The following PHTF2 variants were observed in gnomAD, a reference collection of about 807,000 sequenced individuals.
PHTF2 encodes the protein putative homeodomain transcription factor 2, also known as protein PHTF2.
Under a neutral mutation model 101.2 loss-of-function variants are expected in PHTF2, and 60 were observed. That is an observed-to-expected ratio of 0.59 (90% CI 0.48 to 0.73). PHTF2 has a LOEUF of 0.73. Among genes scored for constraint, PHTF2 ranks in the 30% least tolerant of loss-of-function variants. The pLI, the probability that PHTF2 is intolerant of heterozygous loss-of-function variation, is 0.00. For missense variants in PHTF2, 747 were observed against 908.7 expected (o/e 0.82, Z 2.29); for synonymous variants, 311 against 307.3 (o/e 1.01, Z -0.13).
In PHTF2 at chr7:77,858,557, T is replaced by G. The variant is rs1344668964; in HGVS notation, c.147+3723T>G. Among the ~76,000 whole-genome samples the G allele has an allele frequency of 2.0e-5, 3 of 152,270 alleles. No homozygotes were observed. In the South Asian group the frequency reaches 6.2e-4, roughly 32 times the overall value. The stretch of plus-strand genomic sequence containing the variant: ...GAGAAACAGACCGAAGAGACTTTGA[T>G]GTAACTCATTTGTTTAATTTGAGAG... On this transcript the variant is annotated intron_variant, in intron 3 of 19. Coordinates refer to ENST00000416283, the Ensembl canonical transcript of PHTF2.
At chr7:77,901,960 T>C in intron 7 of PHTF2, 40 bp downstream of exon 6, 1 of 1,291,806 alleles carries the variant, frequency 7.7e-7, no homozygotes, top group Non-Finnish European at 1.1e-6. Flanking sequence ...TTCAGAATGT[T>C]ACATTGTTAG....
chr7:77,884,582 G>A (rs1205305475), intron 3 of PHTF2, among the ~76,000 whole-genome samples: 4 of 152,104 alleles, frequency 2.6e-5, no homozygotes, highest in Admixed American at 2.6e-4. Flanking sequence ...TGGTTGTACA[G>A]CTATTAAATC....
At chr7:77,916,558 A>C (rs528594473) in intron 9 of PHTF2, among the ~76,000 whole-genome samples, 4 of 152,180 alleles carry the variant, frequency 2.6e-5, no homozygotes, top group African/African-American at 9.6e-5. Flanking sequence ...TGTCTCTCTT[A>C]AAAACAAAAC....
At chr7:77,883,112 A>G (rs928544501) in intron 3 of PHTF2, among the ~76,000 whole-genome samples, 2 of 152,174 alleles carry the variant, frequency 1.3e-5, no homozygotes, top group Non-Finnish European at 2.9e-5. Context: ...AGATATTTCT[A>G]GGTGGTTCAA....
intron 3 of PHTF2, among the ~76,000 whole-genome samples, chr7:77,882,466 A>G (rs1799499619): frequency 6.6e-6 from 1 of 152,222 alleles, no homozygotes; most frequent in Non-Finnish European, 1.5e-5. Flanking sequence ...AGAAAAATAA[A>G]TAAATGATTG....
At chr7:77,825,736 G>A (rs1438689852) in intron 1 of PHTF2, among the ~76,000 whole-genome samples, 1 of 152,180 alleles carries the variant, frequency 6.6e-6, no homozygotes, top group Non-Finnish European at 1.5e-5. Context: ...AGATGAGAAA[G>A]GTGTTAGGGG....
At chr7:77,923,458 A>G (rs1247949657) in intron 11 of PHTF2, 1 of 985,252 alleles carries the variant, frequency 1.0e-6, no homozygotes, top group Non-Finnish European at 1.2e-6. Flanking sequence ...AACTTGTAAA[A>G]CAAACACATG....
chr7:77,927,157 CAAAA>C (rs869210694), intron 11 of PHTF2, among the ~76,000 whole-genome samples: 15 of 36,528 alleles, frequency 4.1e-4, no homozygotes, highest in Admixed American at 9.8e-4. Context: ...GACTCCATCT[CAAAA>C]AAAAAAAAAA....
chr7:77,864,039 T>A (rs532436867), intron 3 of PHTF2, among the ~76,000 whole-genome samples: 6 of 152,264 alleles, frequency 3.9e-5, no homozygotes, highest in Admixed American at 3.9e-4. Flanking sequence ...CTCTGCCTCC[T>A]AGAGTGTTGG....
At chr7:77,885,262 T>G (rs1195714602) in intron 3 of PHTF2, among the ~76,000 whole-genome samples, 2 of 151,986 alleles carry the variant, frequency 1.3e-5, no homozygotes, top group African/African-American at 4.8e-5. Context: ...CCTGGCTGAT[T>G]TTTAATTTTT....
chr7:77,844,456 C>T (rs1340511634), intron 2 of PHTF2, among the ~76,000 whole-genome samples: 4 of 152,200 alleles, frequency 2.6e-5, no homozygotes, highest in African/African-American at 9.6e-5. Context: ...TGAAAACAAA[C>T]TTTGAAATTA....
intron 11 of PHTF2, chr7:77,923,235 T>G: frequency 1.1e-6 from 1 of 888,248 alleles, no homozygotes; most frequent in Non-Finnish European, 1.3e-6. Context: ...AATCTTTATT[T>G]TCTCTAAACC....
intron 3 of PHTF2, among the ~76,000 whole-genome samples, chr7:77,865,115 A>C (rs1263615130): frequency 6.6e-6 from 1 of 152,190 alleles, no homozygotes; most frequent in Admixed American, 6.5e-5. Context: ...AGGGAAAGCT[A>C]CAGAGAGATC....
intron 1 of PHTF2, among the ~76,000 whole-genome samples, chr7:77,830,391 G>A (rs1382454507): frequency 6.6e-6 from 1 of 152,188 alleles, no homozygotes; most frequent in African/African-American, 2.4e-5. Flanking sequence ...GGCCTGGTAG[G>A]AACCGTGGGC....
chr7:77,880,581 G>T (rs980440269), intron 3 of PHTF2, among the ~76,000 whole-genome samples: 2 of 151,876 alleles, frequency 1.3e-5, no homozygotes, highest in African/African-American at 4.8e-5. Context: ...CATCCTTCTC[G>T]CCCTGCTCAG....
chr7:77,861,100 T>C lies in PHTF2; in HGVS notation c.147+6266T>C, dbSNP rs140370218. On this transcript the variant is annotated intron_variant, in intron 3 of 19. Transcript: ENST00000416283. ...TTCCTTTGTATTTTTGAAAATTATG[T>C]ACTTACATTTAATTGCTCTCTCCCT... is the stretch of plus-strand genomic sequence containing the variant. Among the ~76,000 whole-genome samples, 148 of 152,330 alleles carry C rather than the reference T, an allele frequency of 9.7e-4. 1 individual carries two copies. The highest frequency in any genetic ancestry group is 3.4e-3 in the African/African-American group (141 of 41,578).
rs922247970 is a variant in PHTF2, at chr7:77,920,471, T to G, written c.963+6T>G. ...TGAGGAATGGTCCTAGCAAAGTACGTGTGATTTTTAAAATAGTTTGCCTAT... is the reference window on the plus strand; with the variant it reads ...TGAGGAATGGTCCTAGCAAAGTACGGGTGATTTTTAAAATAGTTTGCCTAT... On this transcript the variant is annotated splice_donor_region_variant and intron_variant, in intron 10 of 19. Transcript: ENST00000416283. 1.2e-6 allele frequency: 2 copies of G among 1,608,326 alleles called. No homozygotes were observed. Among genetic ancestry groups the G allele is most frequent in the Admixed American group, 1.7e-5 (1 of 59,576 alleles).
intron 2 of PHTF2, among the ~76,000 whole-genome samples, chr7:77,849,820 G>C (rs1259628733): frequency 6.6e-6 from 1 of 152,086 alleles, no homozygotes; most frequent in Non-Finnish European, 1.5e-5. Context: ...TTCACTGTTG[G>C]CATATAGAAA....
exon 20 of PHTF2, chr7:77,954,902 G>A: frequency 2.2e-6 from 3 of 1,388,160 alleles, no homozygotes; most frequent in Non-Finnish European, 3.0e-6. Context: ...AGAAGATGTA[G>A]CCTCTTTTCC....
Sources: allele counts gnomAD v4.1 joint callset (sites outside exome capture counted in the v4.1 genomes callset), GRCh38; gene constraint gnomAD v4.1.1; transcripts MANE v1.5; gene names NCBI Gene and HGNC (gene_info 2026-07-23, HGNC 2026-07-21).